The following TENM3 variants were observed in gnomAD, a reference collection of about 807,000 sequenced individuals.
TENM3 encodes the protein teneurin-3.
A neutral mutation model predicts 255.1 loss-of-function variants in TENM3; 63 were observed. The ratio of observed to expected loss-of-function variants is 0.25; its 90% CI spans 0.20 to 0.30. TENM3 has a LOEUF of 0.30. Ranked by LOEUF, TENM3 falls within the 10% of genes least tolerant of loss-of-function variation. TENM3 has a pLI of 1.00. For synonymous variants in TENM3, 1,306 were observed against 1,322.3 expected, an observed-to-expected ratio of 0.99 and a Z score of 0.27; for missense variants, 2,929 against 3,461.1, an observed-to-expected ratio of 0.85 and a Z score of 3.86.
intron 3 of TENM3, among the ~76,000 whole-genome samples, chr4:182,511,171 G>A (rs945986511): frequency 4.6e-5 from 7 of 152,124 alleles, no homozygotes; most frequent in African/African-American, 1.7e-4. Flanking sequence ...GGAGTTTTGT[G>A]TCACCATTTA....
chr4:182,028,403 C>CA, the TENM3 span, among the ~76,000 whole-genome samples: 1 of 152,048 alleles, frequency 6.6e-6, no homozygotes, highest in African/African-American at 2.4e-5. Flanking sequence ...CTTAACTTTT[C>CA]AAAAAACCAA....
At chr4:181,741,932 TATC>T in the TENM3 span, among the ~76,000 whole-genome samples, 1 of 152,190 alleles carries the variant, frequency 6.6e-6, no homozygotes, top group Non-Finnish European at 1.5e-5. Context: ...CTACACATAA[TATC>T]ATCAAACCTC....
intron 1 of TENM3, among the ~76,000 whole-genome samples, chr4:182,230,687 C>T (rs1020143413): frequency 7.3e-5 from 11 of 151,536 alleles, no homozygotes; most frequent in African/African-American, 2.4e-4. Context: ...AAAGGCTTTC[C>T]CATCCCACCT....
chr4:181,663,108 AT>A, the TENM3 span, among the ~76,000 whole-genome samples: 1 of 152,136 alleles, frequency 6.6e-6, no homozygotes, highest in South Asian at 2.1e-4. Flanking sequence ...TTAAAAATCT[AT>A]TTTTTTCTGC....
intron 5 of TENM3, among the ~76,000 whole-genome samples, chr4:182,641,717 G>T (rs1752332271): frequency 6.6e-6 from 1 of 152,146 alleles, no homozygotes; most frequent in African/African-American, 2.4e-5. Context: ...AGCAGAGGCG[G>T]CGTTTTGCCA....
the TENM3 span, among the ~76,000 whole-genome samples, chr4:181,530,385 C>G: frequency 1.3e-5 from 2 of 152,096 alleles, no homozygotes. Context: ...CCAGCCTTTC[C>G]TACATAAAGC....
At chr4:181,967,835 A>G in the TENM3 span, among the ~76,000 whole-genome samples, 1 of 152,054 alleles carries the variant, frequency 6.6e-6, no homozygotes, top group Non-Finnish European at 1.5e-5. Flanking sequence ...TCCACCCCCC[A>G]GGCTTACTTC....
At chr4:181,619,757 G>C in the TENM3 span, among the ~76,000 whole-genome samples, 2 of 152,026 alleles carry the variant, frequency 1.3e-5, no homozygotes, top group African/African-American at 2.4e-5. Flanking sequence ...AAATCAATGC[G>C]CATGTCAACC....
chr4:182,230,298 C>T (rs1026678568), intron 1 of TENM3, among the ~76,000 whole-genome samples: 2 of 152,150 alleles, frequency 1.3e-5, no homozygotes, highest in East Asian at 3.9e-4. Flanking sequence ...CCTAGGCTCG[C>T]AGAGCATTCT....
the TENM3 span, among the ~76,000 whole-genome samples, chr4:181,683,720 C>T: frequency 2.0e-5 from 3 of 152,236 alleles, no homozygotes; most frequent in Non-Finnish European, 2.9e-5. Flanking sequence ...GATCCCAAAC[C>T]GTGGCTGCAG....
chr4:182,726,308 C>G (rs1760176257), intron 13 of TENM3, among the ~76,000 whole-genome samples: 1 of 151,904 alleles, frequency 6.6e-6, no homozygotes, highest in Admixed American at 6.6e-5. Flanking sequence ...AAATTGAATT[C>G]AAACAGACTT....
chr4:182,314,697 G>A (rs1762650858), intron 1 of TENM3, among the ~76,000 whole-genome samples: 1 of 152,064 alleles, frequency 6.6e-6, no homozygotes, highest in Admixed American at 6.5e-5. Context: ...GCATCTAATT[G>A]GATCTTTAAA....
chr4:181,530,347 A>G, the TENM3 span, among the ~76,000 whole-genome samples: 1 of 152,248 alleles, frequency 6.6e-6, no homozygotes, highest in African/African-American at 2.4e-5. Flanking sequence ...GTGATCTCTC[A>G]TTAGTAGCCA....
At chr4:182,112,562 G>C in the TENM3 span, among the ~76,000 whole-genome samples, 3 of 152,280 alleles carry the variant, frequency 2.0e-5, no homozygotes, top group Non-Finnish European at 1.5e-5. Context: ...TTAAATCGTA[G>C]TGTAATTTTC....
intron 7 of TENM3, among the ~76,000 whole-genome samples, chr4:182,677,859 T>G (rs2152561761): frequency 6.6e-6 from 1 of 152,290 alleles, no homozygotes; most frequent in South Asian, 2.1e-4. Context: ...CTATGGTCAG[T>G]AAAATGGCAA....
intron 1 of TENM3, among the ~76,000 whole-genome samples, chr4:182,294,751 T>C (rs1222432949): frequency 6.6e-6 from 1 of 152,218 alleles, no homozygotes; most frequent in Non-Finnish European, 1.5e-5. Flanking sequence ...TTCCCATCAA[T>C]GGATATGGAT....
At chr4:182,066,599 A>AAAAATATATAT in the TENM3 span, among the ~76,000 whole-genome samples, 23 of 137,114 alleles carry the variant, frequency 1.7e-4, no homozygotes, top group African/African-American at 2.3e-4. Flanking sequence ...GTAAAAAAAA[A>AAAAATATATAT]ATATATATAT....
At position 182,164,549 on chromosome 4, in the gene TENM3, A is replaced by G. The variant is rs114136908; in HGVS notation, c.-76+19795A>G. On this transcript the variant is annotated intron_variant, in intron 1 of 2. Transcript: ENST00000512480. ...CCTCCAACTCATTCTCCACACCTCA[A>G]ATTGATCTTTTAAGAACGCAAAGAG... 3.4e-3 allele frequency among the ~76,000 whole-genome samples: 520 copies of G among 152,118 alleles called. 3 individuals are homozygous for G. The highest frequency in any genetic ancestry group is 0.012 in the African/African-American group (494 of 41,428).
chr4:182,262,388 T>TGGGA (rs1035072818), intron 1 of TENM3, among the ~76,000 whole-genome samples: 1 of 152,096 alleles, frequency 6.6e-6, no homozygotes, highest in Non-Finnish European at 1.5e-5. Flanking sequence ...AGTTACAGGA[T>TGGGA]GGGATAGGAG....
Sources: gnomAD v4.1 joint callset for allele counts (sites outside exome capture counted in the v4.1 genomes callset) on GRCh38, gnomAD v4.1.1 for gene constraint, MANE v1.5 for transcripts, NCBI Gene and HGNC (gene_info 2026-07-23, HGNC 2026-07-21) for gene names.